UPRT: variants seen among roughly 807,000 people sequenced by gnomAD.
UPRT encodes the protein RP11-311P8.3.
Under a neutral mutation model 22.6 loss-of-function variants are expected in UPRT, and 5 were observed. That is an observed-to-expected ratio of 0.22 (90% CI 0.12 to 0.47). The LOEUF is 0.47. Among genes scored for constraint, UPRT ranks in the 20% least tolerant of loss-of-function variants. The probability of loss-of-function intolerance (pLI) is 0.99; values close to 1 mark genes in which losing one functional copy is unlikely to be tolerated. For synonymous variants in UPRT, 77 were observed against 87.7 expected, an observed-to-expected ratio of 0.88 and a Z score of 0.68; for missense variants, 181 against 239.9, an observed-to-expected ratio of 0.75 and a Z score of 1.62.
chrX:75,237,954 T>TA (rs999779058), intron 4 of UPRT, among the ~76,000 whole-genome samples: 2 of 110,308 alleles, frequency 1.8e-5, no homozygotes, highest in Non-Finnish European at 1.9e-5. Flanking sequence ...ATAACAATAA[T>TA]AAAAAAAGGA....
chrX:75,184,708 T>TG (rs2082283272), intron 4 of UPRT, among the ~76,000 whole-genome samples: 2 of 108,786 alleles, frequency 1.8e-5, no homozygotes, highest in Admixed American at 9.9e-5. Flanking sequence ...CCTTGAGCAG[T>TG]GGTTTGTAGT....
chrX:75,196,369 T>G (rs1309812566), intron 4 of UPRT, among the ~76,000 whole-genome samples: 3 of 111,756 alleles, frequency 2.7e-5, no homozygotes, highest in Non-Finnish European at 5.6e-5. Context: ...ATGAGTAAAT[T>G]TAATTATCTG....
chrX:75,213,957 T>A (rs143909406), intron 4 of UPRT, among the ~76,000 whole-genome samples: 1,382 of 112,058 alleles, frequency 0.012, 11 homozygotes, highest in Middle Eastern at 0.032. Context: ...AGGAAATCAA[T>A]ATCACCATTA....
chrX:75,229,276 T>C (rs2082431330), intron 4 of UPRT, among the ~76,000 whole-genome samples: 1 of 111,999 alleles, frequency 8.9e-6, no homozygotes, highest in Non-Finnish European at 1.9e-5. Context: ...ATACCTTGAA[T>C]ATATATAACT....
chrX:75,251,027 A>G (rs2147661108), intron 4 of UPRT, among the ~76,000 whole-genome samples: 1 of 111,689 alleles, frequency 9.0e-6, no homozygotes, highest in African/African-American at 3.3e-5. Flanking sequence ...CATGCTAAAA[A>G]CTCTCAATAA....
intron 4 of UPRT, among the ~76,000 whole-genome samples, chrX:75,255,298 A>G (rs1369922260): frequency 2.7e-5 from 3 of 111,748 alleles, no homozygotes; most frequent in African/African-American, 9.8e-5. Context: ...TTTCAGACAA[A>G]TAAATGCTGA....
intron 4 of UPRT, among the ~76,000 whole-genome samples, chrX:75,180,681 G>GTTTTTTTTTTTTTTTTTTTTTTTTTTTTT (rs59522302): frequency 1.1e-4 from 5 of 43,895 alleles, no homozygotes; most frequent in African/African-American, 4.6e-4. Flanking sequence ...CCTTTTCTCT[G>GTTTTTTTTTTTTTTTTTTTTTTTTTTTTT]TTTTTTTTTT....
chrX:75,292,348 T>A (rs2147699789), intron 1 of UPRT, among the ~76,000 whole-genome samples: 1 of 111,898 alleles, frequency 8.9e-6, no homozygotes, highest in South Asian at 3.7e-4. Context: ...GGATAGAGTT[T>A]TCTGAGTTTA....
chrX:75,186,560 C>T (rs1213896120), intron 4 of UPRT, among the ~76,000 whole-genome samples: 1 of 111,443 alleles, frequency 9.0e-6, no homozygotes, highest in Non-Finnish European at 1.9e-5. Context: ...GAGCTTAGTT[C>T]AATTCCTGGG....
intron 1 of UPRT, among the ~76,000 whole-genome samples, chrX:75,283,024 A>G (rs1340293882): frequency 8.9e-6 from 1 of 112,084 alleles, no homozygotes; most frequent in Non-Finnish European, 1.9e-5. Flanking sequence ...ACCATTATAT[A>G]ATGTCCCTCT....
Position 75,280,920 on chromosome X carries a change from A to C in UPRT, c.386+6280A>C, listed in dbSNP as rs1481017301. Among the ~76,000 whole-genome samples, 4 of 111,297 alleles carry C rather than the reference A, an allele frequency of 3.6e-5. No homozygotes were observed. The Admixed American group carries it at 3.8e-4, about 11-fold the overall frequency. On this transcript the variant is annotated intron_variant, in intron 1 of 6. Transcript: ENST00000373383. The stretch of plus-strand genomic sequence containing the variant: ...ATCCATGAGCATGGGATGTGTTTCC[A>C]TTCATTTGTGTCATCTATTATTTCT...
chrX:75,304,880 A>G lies in UPRT; in HGVS notation c.*1369A>G, dbSNP rs1366330406. On this transcript the variant is annotated 3_prime_UTR_variant, in exon 7 of 7. Coordinates refer to ENST00000373383, the MANE Select transcript of UPRT (RefSeq NM_145052.4). ...TTGAGATTAATAAATTACTCATATT[A>G]CAGTTCTTCCATGGCAAATGTTGCT... Among the ~76,000 whole-genome samples, 3 of 112,264 alleles carry G rather than the reference A, an allele frequency of 2.7e-5. No homozygotes were observed. Among genetic ancestry groups the G allele is most frequent in the African/African-American group, 9.7e-5 (3 of 30,913 alleles).
upstream of UPRT, among the ~76,000 whole-genome samples, chrX:75,272,332 A>G (rs756003718): frequency 0.031 from 2,798 of 91,152 alleles, 129 homozygotes; most frequent in African/African-American, 0.077. Flanking sequence ...ATATATATGT[A>G]TATATATATA....
At chrX:75,282,233 ATAT>A (rs1238587468) in intron 1 of UPRT, among the ~76,000 whole-genome samples, 4 of 26,219 alleles carry the variant, frequency 1.5e-4, no homozygotes, top group African/African-American at 2.0e-4. Context: ...CATTTATCTT[ATAT>A]TTTTTTTTTT....
rs1271936383 is a variant in UPRT at position 75,283,672 on chromosome X, A to G, written c.386+9032A>G. On this transcript the variant is annotated intron_variant, in intron 1 of 6. Transcript: ENST00000373383. ...GGTTTCTGCTGACAAATCTGCTGTT[A>G]ATCTGATAGGTTTTCATAGGTTATC... Among the ~76,000 whole-genome samples the G allele has an allele frequency of 2.7e-5, 3 of 111,484 alleles. No homozygotes were observed. In the Admixed American group the frequency reaches 2.9e-4, roughly 11 times the overall value.
At chrX:75,250,152 T>C (rs1183037365) in intron 4 of UPRT, among the ~76,000 whole-genome samples, 2 of 110,765 alleles carry the variant, frequency 1.8e-5, no homozygotes, top group Admixed American at 9.6e-5. Flanking sequence ...TTAAGAGAAC[T>C]AGAGAAGCAA....
chrX:75,294,689 C>A, intron 2 of UPRT: 2 of 696,348 alleles, frequency 2.9e-6, no homozygotes, highest in East Asian at 9.7e-5. Context: ...AGTAATAACC[C>A]TTAGATAGTA....
intron 4 of UPRT, among the ~76,000 whole-genome samples, chrX:75,237,514 C>T (rs1012357703): frequency 1.8e-5 from 2 of 110,044 alleles, no homozygotes; most frequent in African/African-American, 6.6e-5. Flanking sequence ...TTTATTGCGG[C>T]ATTATTCACA....
At chrX:75,300,478 A>G (rs1279441619) in intron 5 of UPRT, among the ~76,000 whole-genome samples, 1 of 112,056 alleles carries the variant, frequency 8.9e-6, no homozygotes, top group Admixed American at 9.5e-5. Context: ...AGATTGCTAT[A>G]TTGCTCTTAC....
Sources: allele counts gnomAD v4.1 joint callset (sites outside exome capture counted in the v4.1 genomes callset), GRCh38; gene constraint gnomAD v4.1.1; transcripts MANE v1.5; gene names NCBI Gene and HGNC (gene_info 2026-07-23, HGNC 2026-07-21).